Variants in ANKS1B observed in about 807,000 individuals in gnomAD.
The protein encoded by ANKS1B is ankyrin repeat and sterile alpha motif domain containing 1B.
Under a neutral mutation model 148.3 loss-of-function variants are expected in ANKS1B, and 36 were observed. The observed-to-expected ratio is 0.24, with a 90% CI of 0.19 to 0.32. ANKS1B has a LOEUF of 0.32. Ranked by LOEUF, ANKS1B falls within the 10% of genes least tolerant of loss-of-function variation. ANKS1B has a pLI of 1.00. For missense variants in ANKS1B, 1,157 were observed against 1,542.6 expected (o/e 0.75, Z 4.19); for synonymous variants, 542 against 560.8 (o/e 0.97, Z 0.47).
chr12:98,782,348 TTCTC>T (rs1237268872), intron 22 of ANKS1B, among the ~76,000 whole-genome samples: 1 of 152,250 alleles, frequency 6.6e-6, no homozygotes, highest in Non-Finnish European at 1.5e-5. Context: ...GCCCCTTTCT[TTCTC>T]TGTTTCTCAT....
intron 16 of ANKS1B, 93 bp downstream of exon 16, chr12:99,084,832 A>C (rs1312345380): frequency 2.1e-6 from 2 of 932,386 alleles, no homozygotes; most frequent in Non-Finnish European, 1.6e-6. Flanking sequence ...AATATGTAGA[A>C]CTACTGTACT....
intron 10 of ANKS1B, among the ~76,000 whole-genome samples, chr12:99,475,752 C>A (rs1005632185): frequency 6.6e-6 from 1 of 151,654 alleles, no homozygotes; most frequent in East Asian, 1.9e-4. Context: ...AAAGATTATA[C>A]AGCTACTGTA....
chr12:99,430,582 A>G (rs2095352675), intron 11 of ANKS1B, among the ~76,000 whole-genome samples: 1 of 152,188 alleles, frequency 6.6e-6, no homozygotes, highest in Non-Finnish European at 1.5e-5. Flanking sequence ...CCATTAGAGT[A>G]ACATCCTCCA....
At chr12:99,245,989 G>C (rs1301636692) in intron 13 of ANKS1B, among the ~76,000 whole-genome samples, 1 of 152,084 alleles carries the variant, frequency 6.6e-6, no homozygotes, top group Non-Finnish European at 1.5e-5. Flanking sequence ...GTGCTTGGTA[G>C]GACGAGATGT....
intron 25 of ANKS1B, among the ~76,000 whole-genome samples, chr12:98,771,717 G>A (rs903907065): frequency 2.6e-5 from 4 of 152,118 alleles, no homozygotes; most frequent in Non-Finnish European, 5.9e-5. Flanking sequence ...GAGCTCAAGT[G>A]ATCTGCCCAC....
intron 11 of ANKS1B, among the ~76,000 whole-genome samples, chr12:99,438,630 T>C (rs925272123): frequency 2.6e-5 from 4 of 151,900 alleles, no homozygotes; most frequent in African/African-American, 9.7e-5. Flanking sequence ...AAAGTGTCTC[T>C]TGCACCAAAG....
At chr12:99,776,843 G>A (rs1042657157) in intron 6 of ANKS1B, among the ~76,000 whole-genome samples, 7 of 151,882 alleles carry the variant, frequency 4.6e-5, no homozygotes, top group Non-Finnish European at 7.4e-5. Flanking sequence ...ACCACACCCG[G>A]CTCATTTTTT....
chr12:99,081,420 C>T (rs1460332641), intron 16 of ANKS1B, among the ~76,000 whole-genome samples: 1 of 152,106 alleles, frequency 6.6e-6, no homozygotes, highest in Non-Finnish European at 1.5e-5. Flanking sequence ...AATGAAGAGA[C>T]ATTTTGTCCG....
At chr12:99,159,955 T>C (rs925721379) in intron 14 of ANKS1B, among the ~76,000 whole-genome samples, 2 of 152,238 alleles carry the variant, frequency 1.3e-5, no homozygotes, top group Non-Finnish European at 2.9e-5. Flanking sequence ...GTGGTTTTGA[T>C]TTGCACTTCT....
intron 14 of ANKS1B, among the ~76,000 whole-genome samples, chr12:99,192,420 T>A (rs929666325): frequency 2.6e-5 from 4 of 152,176 alleles, no homozygotes; most frequent in African/African-American, 9.7e-5. Flanking sequence ...GGAAGCACAT[T>A]AATTATTCAT....
At chr12:99,327,303 AATTATATATTATAATTACAT>A (rs1172605647) in intron 12 of ANKS1B, among the ~76,000 whole-genome samples, 6 of 116,980 alleles carry the variant, frequency 5.1e-5, no homozygotes, top group Non-Finnish European at 9.8e-5. Flanking sequence ...TAAAATATGT[AATTATATATTATAATTACAT>A]ATTATATATA....
At chr12:99,623,851 C>T (rs543358251) in intron 9 of ANKS1B, among the ~76,000 whole-genome samples, 50 of 151,760 alleles carry the variant, frequency 3.3e-4, no homozygotes, top group African/African-American at 1.2e-3. Flanking sequence ...ACATTTTCAA[C>T]GTGATTTCTA....
intron 15 of ANKS1B, among the ~76,000 whole-genome samples, chr12:99,120,185 A>G (rs989630146): frequency 1.3e-5 from 2 of 152,198 alleles, no homozygotes; most frequent in African/African-American, 4.8e-5. Context: ...CCTAGCATTA[A>G]GCACATCCTT....
chr12:98,871,115 A>G (rs193161184), intron 17 of ANKS1B, among the ~76,000 whole-genome samples: 90 of 152,338 alleles, frequency 5.9e-4, no homozygotes, highest in African/African-American at 2.1e-3. Context: ...TTAATGGTCT[A>G]CATTTTAACC....
intron 8 of ANKS1B, among the ~76,000 whole-genome samples, chr12:99,678,267 G>A (rs76534554): frequency 0.011 from 1,684 of 152,234 alleles, 29 homozygotes; most frequent in African/African-American, 0.039. Context: ...CATGATTCCA[G>A]GAAGATGGCA....
At chr12:98,966,443 T>A (rs906074543) in intron 17 of ANKS1B, among the ~76,000 whole-genome samples, 8 of 151,656 alleles carry the variant, frequency 5.3e-5, no homozygotes, top group Non-Finnish European at 1.2e-4. Flanking sequence ...ACTTTTACAC[T>A]GTTGGTGGGA....
At chr12:99,881,198 A>G (rs1325545849) in intron 1 of ANKS1B, among the ~76,000 whole-genome samples, 1 of 152,228 alleles carries the variant, frequency 6.6e-6, no homozygotes, top group Non-Finnish European at 1.5e-5. Flanking sequence ...CTGGCTCAAC[A>G]GGTAGGAAAA....
chr12:99,022,001 A>T (rs762300027), intron 17 of ANKS1B, among the ~76,000 whole-genome samples: 31 of 152,142 alleles, frequency 2.0e-4, no homozygotes, highest in Non-Finnish European at 1.6e-4. Context: ...CCAACCTTCA[A>T]TGTCCAATTT....
chr12:99,946,413 G>A (rs1488736), intron 1 of ANKS1B, among the ~76,000 whole-genome samples: 91,304 of 151,668 alleles, frequency 0.6, 28,720 homozygotes, highest in Middle Eastern at 0.69. Context: ...GTGTGCAGAT[G>A]GCCACCTTCT....
Sources: gnomAD v4.1 joint callset for allele counts (sites outside exome capture counted in the v4.1 genomes callset) on GRCh38, gnomAD v4.1.1 for gene constraint, MANE v1.5 for transcripts, NCBI Gene and HGNC (gene_info 2026-07-23, HGNC 2026-07-21) for gene names.